ADAM17: variants seen among roughly 807,000 people sequenced by gnomAD.
ADAM17 encodes the protein ADAM metallopeptidase domain 17.
A neutral mutation model predicts 96.7 loss-of-function variants in ADAM17; 39 were observed. The observed-to-expected ratio is 0.40, with a 90% confidence interval of 0.31 to 0.53. The LOEUF is 0.53. Ranked by LOEUF, ADAM17 falls within the 20% of genes least tolerant of loss-of-function variation. The pLI is 0.44. For synonymous variants in ADAM17, 344 were observed against 359.2 expected (o/e 0.96, Z 0.48); for missense variants, 777 against 1,013.2 (o/e 0.77, Z 3.17).
intron 11 of ADAM17, 143 bp downstream of exon 11, chr2:9,509,836 A>C: frequency 9.3e-7 from 1 of 1,080,106 alleles, no homozygotes; most frequent in East Asian, 2.4e-5. Flanking sequence ...CAAAACACAC[A>C]ACCACGTTTC....
intron 1 of ADAM17, among the ~76,000 whole-genome samples, chr2:9,546,112 A>T (rs1398766084): frequency 6.6e-6 from 1 of 151,626 alleles, no homozygotes; most frequent in African/African-American, 2.4e-5. Flanking sequence ...AAAAAAAAAA[A>T]GAAAGAACAT....
chr2:9,547,896 T>TAAATA (rs1029155872), intron 1 of ADAM17, among the ~76,000 whole-genome samples: 4 of 151,606 alleles, frequency 2.6e-5, no homozygotes, highest in Admixed American at 2.6e-4. Context: ...ACCAAAAAAA[T>TAAATA]AAATAAAATA....
chr2:9,497,688 A>G (rs1662713918), intron 13 of ADAM17, among the ~76,000 whole-genome samples: 1 of 152,150 alleles, frequency 6.6e-6, no homozygotes, highest in Non-Finnish European at 1.5e-5. Context: ...CTTCAATATT[A>G]ACAGATACTA....
chr2:9,502,221 A>G lies in ADAM17; in HGVS notation c.1600T>C (p.Cys534Arg). 1 of 1,614,120 alleles carries G rather than the reference A, an allele frequency of 6.2e-7. No individual in the cohort carries two copies. Reference sequence around the variant, plus strand: ...CAAGTAGCATTAATCGCCTCCTGGCACTTCTTCTGGGCAGTCTCAAACTGA... The same window carrying G: ...CAAGTAGCATTAATCGCCTCCTGGCGCTTCTTCTGGGCAGTCTCAAACTGA... The part of the protein sequence containing the change: ...NCQFETAQKK[C>R]QEAINATCKG... The change falls in exon 13 of 19, where the codon TGC becomes CGC. Residue 534 changes from cysteine (C) to arginine (R), a missense_variant. By Grantham distance (180) the Cys-to-Arg change is radical. Around this residue, in one of 3 missense-constraint regions of ADAM17, gnomAD observed 446 missense variants for 664.7 expected, o/e 0.67. Coordinates refer to ENST00000310823, the MANE Select transcript of ADAM17 (RefSeq NM_003183.6).
At chr2:9,520,741 A>G (rs1310670339) in intron 8 of ADAM17, among the ~76,000 whole-genome samples, 1 of 152,028 alleles carries the variant, frequency 6.6e-6, no homozygotes, top group Non-Finnish European at 1.5e-5. Context: ...AGGCAGACGG[A>G]TCATCTGAGG....
chr2:9,513,335 A>G (rs1572919244), intron 10 of ADAM17, among the ~76,000 whole-genome samples: 1 of 152,184 alleles, frequency 6.6e-6, no homozygotes, highest in South Asian at 2.1e-4. Flanking sequence ...AAACCCATAA[A>G]CTAAGTTAAG....
chr2:9,524,411 G>T (rs1664437779), intron 6 of ADAM17, among the ~76,000 whole-genome samples: 1 of 151,976 alleles, frequency 6.6e-6, no homozygotes, highest in Admixed American at 6.6e-5. Context: ...GATTGCTTTG[G>T]CCCGGGCAAT....
intron 4 of ADAM17, among the ~76,000 whole-genome samples, chr2:9,534,854 C>G (rs1471599266): frequency 6.6e-6 from 1 of 152,086 alleles, no homozygotes; most frequent in Non-Finnish European, 1.5e-5. Flanking sequence ...TTTGAAAGAA[C>G]AGGCAAATTT....
rs1259676841 is a variant in ADAM17, at chr2:9,490,400, G to A, written c.2252C>T (p.Ala751Val). ...CATTCTCTGGTGGTCCAGTTTTGGA[G>A]CTGCTGGCGCCGAAGGGATCACAGG... ...PAPVIPSAPA[A>V]PKLDHQRMDT... is the part of the protein sequence containing the mutation. Residue 751 changes from alanine to valine, a missense_variant, in exon 19 of 19, where the codon GCT (alanine) becomes GTT (valine). Transcript: ENST00000310823. 1 of 1,614,062 alleles carries A rather than the reference G, an allele frequency of 6.2e-7. No individual in the cohort carries two copies. Among genetic ancestry groups the A allele is most frequent in the African/African-American group, 1.3e-5 (1 of 74,918 alleles).
intron 14 of ADAM17, among the ~76,000 whole-genome samples, chr2:9,496,895 A>G (rs536086026): frequency 9.8e-5 from 15 of 152,312 alleles, no homozygotes; most frequent in African/African-American, 3.1e-4. Context: ...CTGAAACTGC[A>G]GCAAGAAGAA....
chr2:9,509,612 A>G (rs927336929), intron 11 of ADAM17, among the ~76,000 whole-genome samples: 1 of 152,216 alleles, frequency 6.6e-6, no homozygotes, highest in Non-Finnish European at 1.5e-5. Context: ...TAAACTGTAC[A>G]TGTAAATTGT....
At chr2:9,552,544 A>G (rs1200305175) in intron 1 of ADAM17, among the ~76,000 whole-genome samples, 1 of 152,244 alleles carries the variant, frequency 6.6e-6, no homozygotes, top group Non-Finnish European at 1.5e-5. Context: ...CAGCACTGCA[A>G]TATGGAGAAT....
chr2:9,502,832 T>C (rs1350535092), intron 12 of ADAM17, among the ~76,000 whole-genome samples: 1 of 129,148 alleles, frequency 7.7e-6, no homozygotes, highest in African/African-American at 3.1e-5. Flanking sequence ...TGAGCCGAGA[T>C]CGCACCACTG....
chr2:9,512,205 A>T (rs1663782973), intron 10 of ADAM17: 1 of 152,176 alleles, frequency 6.6e-6, no homozygotes, highest in Admixed American at 6.5e-5. Flanking sequence ...AATGAAGAGA[A>T]ATATCTCCTA....
intron 12 of ADAM17, among the ~76,000 whole-genome samples, chr2:9,504,436 G>A (rs1044023137): frequency 1.5e-5 from 2 of 133,940 alleles, no homozygotes; most frequent in Non-Finnish European, 3.2e-5. Flanking sequence ...AGAGCGAGAC[G>A]CCGTCTCAAA....
chr2:9,521,740 T>C (rs1664320365), intron 7 of ADAM17: 1 of 146,870 alleles, frequency 6.8e-6, no homozygotes, highest in Non-Finnish European at 1.5e-5. Context: ...AAATTCATAT[T>C]AAACCTGCAA....
intron 14 of ADAM17, among the ~76,000 whole-genome samples, chr2:9,495,860 CTTTT>C (rs34087915): frequency 7.2e-6 from 1 of 138,662 alleles, no homozygotes. Context: ...TACGTGTTAC[CTTTT>C]TTTTTTTTTT....
chr2:9,508,852 C>T (rs1013470563), intron 11 of ADAM17, among the ~76,000 whole-genome samples: 1 of 151,638 alleles, frequency 6.6e-6, no homozygotes, highest in Non-Finnish European at 1.5e-5. Flanking sequence ...GAAGAGTAGA[C>T]AAAAAGGGGT....
Position 9,543,158 on chromosome 2 carries a change from C to A in ADAM17, c.225G>T (p.Leu75Phe). The change falls in exon 2 of 19, where the codon TTG (leucine) becomes TTT (phenylalanine). Residue 75 changes from leucine (L) to phenylalanine (F), a missense_variant. By Grantham distance (22) the Leu-to-Phe change is conservative. Around this residue, in one of 3 missense-constraint regions of ADAM17, gnomAD observed 134 missense variants for 129.1 expected, o/e 1.04. Transcript: ENST00000310823. The stretch of plus-strand genomic sequence containing the variant: ...CCATGAATAATTCAAATTACCTTTT[C>A]AAAGCTGAAAAAGTTAGTAGTGTTT... ...HVETLLTFSALKRHFKLYLTS... is the reference protein window; with the variant it reads ...HVETLLTFSAFKRHFKLYLTS... 2 of 1,580,322 alleles carry A rather than the reference C, an allele frequency of 1.3e-6. No individual in the cohort carries two copies. The highest frequency in any genetic ancestry group is 1.2e-5 in the South Asian group (1 of 84,484).
Sources: gnomAD v4.1 joint callset for allele counts (sites outside exome capture counted in the v4.1 genomes callset) on GRCh38, gnomAD v4.1.1 for gene constraint, gnomAD v4.1.1 regional missense constraint, MANE v1.5 for transcripts, NCBI Gene and HGNC (gene_info 2026-07-23, HGNC 2026-07-21) for gene names.